Variants in THRB observed in about 807,000 individuals in gnomAD.
The protein encoded by THRB is nuclear receptor subfamily 1 group A member 2.
THRB carries 12 observed loss-of-function variants against 47.8 expected under a neutral mutation model. That is an observed-to-expected ratio of 0.25 (90% CI 0.16 to 0.41). The LOEUF (loss-of-function observed/expected upper bound fraction) is 0.41. THRB is among the 10% of genes least tolerant of loss of function. THRB has a pLI of 1.00. For synonymous variants in THRB, 218 were observed against 212.2 expected (o/e 1.03, Z -0.24); for missense variants, 348 against 589.2 (o/e 0.59, Z 4.24).
intron 5 of THRB, among the ~76,000 whole-genome samples, chr3:24,159,694 G>A (rs1007803299): frequency 8.6e-5 from 13 of 151,992 alleles, no homozygotes; most frequent in African/African-American, 1.9e-4. Context: ...GACATTTGGC[G>A]AAGTCTGGAG....
chr3:24,224,580 A>G (rs2047472192), intron 4 of THRB, among the ~76,000 whole-genome samples: 1 of 152,188 alleles, frequency 6.6e-6, no homozygotes, highest in Non-Finnish European at 1.5e-5. Flanking sequence ...GGACACCTGA[A>G]GGTCCACCTT....
At chr3:24,253,126 C>T (rs931743080) in intron 3 of THRB, among the ~76,000 whole-genome samples, 5 of 151,926 alleles carry the variant, frequency 3.3e-5, no homozygotes, top group African/African-American at 1.2e-4. Flanking sequence ...AGATAATGTA[C>T]GTTTTACAAA....
At chr3:24,368,274 G>T (rs1179936499) in intron 1 of THRB, among the ~76,000 whole-genome samples, 1 of 152,072 alleles carries the variant, frequency 6.6e-6, no homozygotes, top group African/African-American at 2.4e-5. Context: ...GCACCCTGGG[G>T]TCCTCTTTGT....
intron 4 of THRB, among the ~76,000 whole-genome samples, chr3:24,204,504 C>T (rs970778850): frequency 1.2e-4 from 18 of 152,172 alleles, no homozygotes; most frequent in East Asian, 1.9e-4. Flanking sequence ...CCCATCTGTA[C>T]GTCACCATCA....
chr3:24,305,191 A>T (rs2057249513), intron 2 of THRB, among the ~76,000 whole-genome samples: 1 of 152,218 alleles, frequency 6.6e-6, no homozygotes, highest in Non-Finnish European at 1.5e-5. Flanking sequence ...GATCAGCAAC[A>T]TCAGCATCAG....
At chr3:24,194,036 ACAT>A (rs1300227604) in intron 4 of THRB, among the ~76,000 whole-genome samples, 5 of 152,232 alleles carry the variant, frequency 3.3e-5, no homozygotes, top group Admixed American at 2.6e-4. Flanking sequence ...GGAAAACCAA[ACAT>A]CATACGTTTT....
intron 10 of THRB, among the ~76,000 whole-genome samples, 156 bp downstream of exon 10, chr3:24,127,343 A>T (rs2033044498): frequency 6.6e-6 from 1 of 152,188 alleles, no homozygotes; most frequent in Admixed American, 6.5e-5. Context: ...CCCCCCTTTA[A>T]GTTCCCAGTC....
chr3:24,425,468 C>T (rs1222344208), intron 1 of THRB, among the ~76,000 whole-genome samples: 3 of 151,596 alleles, frequency 2.0e-5, no homozygotes, highest in Admixed American at 2.0e-4. Flanking sequence ...TGTAAATGCT[C>T]CTTATATATT....
At chr3:24,172,579 C>G (rs535648693) in intron 5 of THRB, among the ~76,000 whole-genome samples, 1 of 152,002 alleles carries the variant, frequency 6.6e-6, no homozygotes, top group Non-Finnish European at 1.5e-5. Context: ...CAATCGATCA[C>G]CAAGCAGAAT....
chr3:24,431,261 TACACACACACAC>T (rs199810848), intron 1 of THRB, among the ~76,000 whole-genome samples: 10 of 135,706 alleles, frequency 7.4e-5, no homozygotes, highest in Admixed American at 1.5e-4. Context: ...TCTCTCTCTC[TACACACACACAC>T]ACACACACAC....
intron 5 of THRB, among the ~76,000 whole-genome samples, chr3:24,172,943 G>A (rs73823220): frequency 5.3e-4 from 81 of 152,280 alleles, no homozygotes; most frequent in African/African-American, 1.9e-3. Context: ...TTTACTAGAT[G>A]AAATATGTCA....
chr3:24,245,432 G>A (rs2050013505), intron 3 of THRB, among the ~76,000 whole-genome samples: 1 of 152,162 alleles, frequency 6.6e-6, no homozygotes. Context: ...GACGGGATGT[G>A]CACAAACAAT....
intron 3 of THRB, among the ~76,000 whole-genome samples, chr3:24,253,174 C>T (rs2050840555): frequency 6.6e-6 from 1 of 151,992 alleles, no homozygotes; most frequent in Non-Finnish European, 1.5e-5. Flanking sequence ...ATAATAGAGG[C>T]ATAAAATAAA....
At chr3:24,184,810 G>A (rs2042367505) in intron 5 of THRB, among the ~76,000 whole-genome samples, 1 of 152,190 alleles carries the variant, frequency 6.6e-6, no homozygotes, top group African/African-American at 2.4e-5. Context: ...GATGGATGGA[G>A]CAGATGGTAG....
At chr3:24,331,207 A>G (rs2061906333) in intron 2 of THRB, among the ~76,000 whole-genome samples, 1 of 152,134 alleles carries the variant, frequency 6.6e-6, no homozygotes, top group Non-Finnish European at 1.5e-5. Flanking sequence ...TTGGGAGCCT[A>G]TACGTTTATG....
chr3:24,228,750 G>T (rs1030828550), intron 4 of THRB, among the ~76,000 whole-genome samples, 188 bp downstream of exon 4: 2 of 152,048 alleles, frequency 1.3e-5, no homozygotes, highest in African/African-American at 4.8e-5. Context: ...TTCTGGTGAG[G>T]ATGCATCTTA....
At chr3:24,264,498 T>C (rs532059450) in intron 3 of THRB, among the ~76,000 whole-genome samples, 49 of 152,304 alleles carry the variant, frequency 3.2e-4, no homozygotes, top group African/African-American at 1.0e-3. Context: ...TCTTAAATTA[T>C]CTCCTTGTTT....
At chr3:24,200,785 C>T (rs1406300758) in intron 4 of THRB, among the ~76,000 whole-genome samples, 1 of 152,166 alleles carries the variant, frequency 6.6e-6, no homozygotes, top group Non-Finnish European at 1.5e-5. Flanking sequence ...AGCACTGCCA[C>T]AGCATGCACA....
chr3:24,467,305 C>T (rs62228852), intron 1 of THRB, among the ~76,000 whole-genome samples: 4,567 of 152,276 alleles, frequency 0.03, 97 homozygotes, highest in South Asian at 0.057. Context: ...CTAAAGTTCT[C>T]GAAGTCATTT....
Sources: allele counts gnomAD v4.1 joint callset (sites outside exome capture counted in the v4.1 genomes callset), GRCh38; gene constraint gnomAD v4.1.1; transcripts MANE v1.5; gene names NCBI Gene and HGNC (gene_info 2026-07-23, HGNC 2026-07-21).